The following XKR6 variants were observed in gnomAD, a reference collection of about 807,000 sequenced individuals.
XKR6 encodes the protein XK related 6.
XKR6 carries 22 observed loss-of-function variants against 56.7 expected under a neutral mutation model. That is an observed-to-expected ratio of 0.39 (90% CI 0.28 to 0.55). The LOEUF is 0.55. Ranked by LOEUF, XKR6 falls within the 20% of genes least tolerant of loss-of-function variation. XKR6 has a pLI of 0.66. For missense variants in XKR6, 852 were observed against 889.0 expected, an observed-to-expected ratio of 0.96 and a Z score of 0.53; for synonymous variants, 524 against 387.8, an observed-to-expected ratio of 1.35 and a Z score of -4.13.
chr8:11,159,037 G>A (rs1406904578), intron 1 of XKR6, among the ~76,000 whole-genome samples: 1 of 152,174 alleles, frequency 6.6e-6, no homozygotes, highest in Non-Finnish European at 1.5e-5. Flanking sequence ...CCATTTACAA[G>A]CTGTATGACA....
intron 1 of XKR6, among the ~76,000 whole-genome samples, chr8:11,091,042 C>G (rs1342681895): frequency 6.6e-6 from 1 of 152,180 alleles, no homozygotes; most frequent in Non-Finnish European, 1.5e-5. Context: ...AGGCCATCCT[C>G]TCTCTTAGGT....
At chr8:11,123,034 C>G (rs1447106392) in intron 1 of XKR6, among the ~76,000 whole-genome samples, 1 of 151,924 alleles carries the variant, frequency 6.6e-6, no homozygotes, top group Non-Finnish European at 1.5e-5. Context: ...ATCAGGAGTT[C>G]CAGACCAGCC....
At chr8:11,088,591 C>A (rs1023365015) in intron 1 of XKR6, among the ~76,000 whole-genome samples, 1 of 152,076 alleles carries the variant, frequency 6.6e-6, no homozygotes, top group African/African-American at 2.4e-5. Flanking sequence ...CCTTAGGTGA[C>A]AAAGACAAGA....
chr8:11,197,296 C>A (rs533459518), intron 1 of XKR6, among the ~76,000 whole-genome samples: 1 of 152,336 alleles, frequency 6.6e-6, no homozygotes, highest in South Asian at 2.1e-4. Context: ...GGTCAAAGAA[C>A]TGTTGCTTCT....
At chr8:10,938,941 A>G (rs565087153) in intron 1 of XKR6, among the ~76,000 whole-genome samples, 2 of 152,354 alleles carry the variant, frequency 1.3e-5, no homozygotes, top group South Asian at 4.1e-4. Context: ...AAAATTGAGT[A>G]CAGGGTCCCA....
intron 1 of XKR6, among the ~76,000 whole-genome samples, chr8:11,084,498 A>T (rs920225888): frequency 2.0e-5 from 3 of 152,230 alleles, no homozygotes; most frequent in African/African-American, 7.2e-5. Context: ...TTGGAAGGAA[A>T]AAAAAAGAAA....
At chr8:11,131,935 T>C (rs1383820932) in intron 1 of XKR6, among the ~76,000 whole-genome samples, 1 of 152,180 alleles carries the variant, frequency 6.6e-6, no homozygotes, top group Non-Finnish European at 1.5e-5. Context: ...GGCACAAGAC[T>C]GCCTATGCAT....
intron 1 of XKR6, among the ~76,000 whole-genome samples, chr8:11,140,962 T>C (rs1051607639): frequency 6.8e-6 from 1 of 146,246 alleles, no homozygotes; most frequent in Admixed American, 6.8e-5. Flanking sequence ...AAAATCAACA[T>C]CACTCCAAAG....
chr8:11,078,857 C>T (rs890775740), intron 1 of XKR6, among the ~76,000 whole-genome samples: 1 of 152,198 alleles, frequency 6.6e-6, no homozygotes, highest in Non-Finnish European at 1.5e-5. Flanking sequence ...CCATGGCAAG[C>T]AAGGCCTCCC....
At chr8:11,178,235 C>A (rs1802760313) in intron 1 of XKR6, among the ~76,000 whole-genome samples, 1 of 152,148 alleles carries the variant, frequency 6.6e-6, no homozygotes, top group Non-Finnish European at 1.5e-5. Flanking sequence ...CTCTCAACAA[C>A]AAATCTGTCT....
At chr8:10,986,406 A>G (rs1440539508) in intron 1 of XKR6, among the ~76,000 whole-genome samples, 2 of 152,260 alleles carry the variant, frequency 1.3e-5, no homozygotes, top group African/African-American at 2.4e-5. Context: ...GAATAAAAGG[A>G]TCTACAAATA....
At chr8:11,085,655 C>G (rs946852862) in intron 1 of XKR6, among the ~76,000 whole-genome samples, 6 of 152,150 alleles carry the variant, frequency 3.9e-5, no homozygotes, top group Admixed American at 6.5e-5. Flanking sequence ...AGGATGGTCT[C>G]CCATGAGGCT....
At chr8:11,179,711 T>A (rs186017149) in intron 1 of XKR6, among the ~76,000 whole-genome samples, 67 of 152,312 alleles carry the variant, frequency 4.4e-4, no homozygotes, top group Non-Finnish European at 1.3e-4. Flanking sequence ...ACTTTCACAC[T>A]GTTTGTTCAC....
intron 1 of XKR6, among the ~76,000 whole-genome samples, chr8:10,977,996 G>A (rs1802618638): frequency 6.6e-6 from 1 of 152,028 alleles, no homozygotes; most frequent in Admixed American, 6.6e-5. Flanking sequence ...TCAGGTTTTT[G>A]CTCTTTTGAT....
chr8:10,907,823 C>A (rs1002583176), intron 2 of XKR6, among the ~76,000 whole-genome samples: 4 of 152,182 alleles, frequency 2.6e-5, no homozygotes, highest in African/African-American at 9.7e-5. Flanking sequence ...CGAGGACCCA[C>A]CCCGCGGAGG....
intron 1 of XKR6, among the ~76,000 whole-genome samples, chr8:11,127,598 G>C (rs1799874951): frequency 6.6e-6 from 1 of 152,106 alleles, no homozygotes; most frequent in African/African-American, 2.4e-5. Flanking sequence ...AAAGCTAGTG[G>C]TGTAACACCT....
intron 1 of XKR6, among the ~76,000 whole-genome samples, chr8:11,010,745 CT>C (rs1369422449): frequency 4.0e-5 from 6 of 151,890 alleles, no homozygotes; most frequent in Admixed American, 2.6e-4. Context: ...TCTTTACTAC[CT>C]TTTTTTCTAA....
intron 1 of XKR6, among the ~76,000 whole-genome samples, chr8:11,044,083 C>T (rs1417008080): frequency 2.0e-5 from 3 of 152,230 alleles, no homozygotes; most frequent in South Asian, 2.1e-4. Context: ...GCTGTAACTA[C>T]AGCTTTGATT....
intron 1 of XKR6, among the ~76,000 whole-genome samples, chr8:11,181,183 G>A (rs577937142): frequency 3.3e-5 from 5 of 152,250 alleles, no homozygotes; most frequent in Admixed American, 3.3e-4. Context: ...ATTTTAAAGG[G>A]TTGTTGTATA....
Sources: gnomAD v4.1 joint callset for allele counts (sites outside exome capture counted in the v4.1 genomes callset) on GRCh38, gnomAD v4.1.1 for gene constraint, MANE v1.5 for transcripts, NCBI Gene and HGNC (gene_info 2026-07-23, HGNC 2026-07-21) for gene names.